Variants in MFHAS1 observed in about 807,000 individuals in gnomAD.
The protein encoded by MFHAS1 is malignant fibrous histiocytoma-amplified sequence 1.
In MFHAS1, 50 loss-of-function variants were observed where a neutral mutation model predicts 70.4. The observed-to-expected ratio is 0.71, with a 90% CI of 0.57 to 0.90. The LOEUF (loss-of-function observed/expected upper bound fraction) is 0.90. Among genes scored for constraint, MFHAS1 ranks in the 40% least tolerant of loss-of-function variants. MFHAS1 has a pLI of 0.00. For synonymous variants in MFHAS1, 952 were observed against 620.0 expected (o/e 1.54, Z -7.96); for missense variants, 1,795 against 1,347.6 (o/e 1.33, Z -5.20).
At chr8:8,838,954 T>C (rs1246374861) in intron 1 of MFHAS1, among the ~76,000 whole-genome samples, 2 of 152,220 alleles carry the variant, frequency 1.3e-5, no homozygotes, top group Admixed American at 1.3e-4. Flanking sequence ...TTTTATAATA[T>C]ATGCAGGGTC....
rs1350380898 is a variant in MFHAS1 at position 8,891,428 on chromosome 8, T to C, written c.1631A>G (p.Glu544Gly). Residue 544 changes from glutamate to glycine, a missense_variant, in exon 1 of 3, where the codon GAG becomes GGG. Physicochemically the swap from Glu to Gly is moderately conservative, Grantham distance 98. Transcript: ENST00000276282. This position sits in a 1 kb window ranked among gnomAD's most constrained non-coding sequence, Gnocchi z 5.4. ...IVGTHADLCG[E>G]RELEEKCLDI... ...CAGACATTTCTCCTCCAGCTCACGC[T>C]CTCCGCACAGGTCTGCGTGGGTGCC... 4.3e-6 allele frequency: 7 copies of C among 1,612,692 alleles called. No homozygotes were observed. Among genetic ancestry groups the C allele is most frequent in the Non-Finnish European group, 5.9e-6 (7 of 1,180,024 alleles).
chr8:8,839,702 C>G (rs1045477207), intron 1 of MFHAS1, among the ~76,000 whole-genome samples: 36 of 152,174 alleles, frequency 2.4e-4, no homozygotes, highest in African/African-American at 7.5e-4. Context: ...CTAGGTCTGG[C>G]TGAAATAACG....
chr8:8,785,782 A>G lies in MFHAS1; in HGVS notation c.*240T>C, dbSNP rs1341122773. The G allele has an allele frequency of 2.3e-6, 1 of 430,236 alleles. No homozygotes were observed. The highest frequency in any genetic ancestry group is 4.1e-6 in the Non-Finnish European group (1 of 241,086). 26.7% of individuals were successfully genotyped at this position (430,236 alleles called of 1,614,324 possible). ...TTTCTTCAAGTAGCGCGCTCCTTGGAGGATCACAGTTCTGAGGTTCAGGTT... is the reference window on the plus strand; with the variant it reads ...TTTCTTCAAGTAGCGCGCTCCTTGGGGGATCACAGTTCTGAGGTTCAGGTT... On this transcript the variant is annotated 3_prime_UTR_variant, in exon 3 of 3. Coordinates refer to ENST00000276282, the MANE Select transcript of MFHAS1 (RefSeq NM_004225.3).
chr8:8,891,223 G>A lies in MFHAS1; in HGVS notation c.1836C>T (p.Tyr612=), dbSNP rs773026331. The A allele has an allele frequency of 1.9e-6, 3 of 1,612,584 alleles. No homozygotes were observed. Among genetic ancestry groups the A allele is most frequent in the South Asian group, 1.1e-5 (1 of 91,086 alleles). Residue 612 remains tyrosine, a synonymous_variant, in exon 1 of 3, where the codon TAC becomes TAT. Coordinates refer to ENST00000276282, the MANE Select transcript of MFHAS1 (RefSeq NM_004225.3). The surrounding 1 kb of genome is among the most constrained non-coding windows in gnomAD (Gnocchi z 5.4). ...GGATCTGCAGCCGGTGGTTGAGCAG[G>A]TATTGAAAATGGGCCTTGCGCCGTC... ...NLRRRKAHFQ[Y]LLNHRLQILS...
chr8:8,860,783 A>G (rs545677992), intron 1 of MFHAS1, among the ~76,000 whole-genome samples: 169 of 152,334 alleles, frequency 1.1e-3, no homozygotes, highest in Non-Finnish European at 1.9e-3. Context: ...CTCTTGAAAA[A>G]GGGTGAGAGA....
At chr8:8,788,434 T>C (rs575050062) in intron 2 of MFHAS1, among the ~76,000 whole-genome samples, 1 of 152,318 alleles carries the variant, frequency 6.6e-6, no homozygotes, top group Admixed American at 6.5e-5. Flanking sequence ...ATCCCACTGC[T>C]TTGGAAGGCT....
At chr8:8,887,119 T>A (rs932570471) in intron 1 of MFHAS1, among the ~76,000 whole-genome samples, 1 of 152,008 alleles carries the variant, frequency 6.6e-6, no homozygotes, top group Non-Finnish European at 1.5e-5. Flanking sequence ...AGAGCAAGAC[T>A]CCATCTCAAA....
At position 8,880,218 on chromosome 8, in the gene MFHAS1, T is replaced by C. The variant is rs529122061; in HGVS notation, c.2998+9843A>G. Among the ~76,000 whole-genome samples, 10 of 152,256 alleles carry C rather than the reference T, an allele frequency of 6.6e-5. No individual in the cohort carries two copies. In the East Asian group the frequency reaches 1.9e-3, roughly 29 times the overall value. Reference sequence around the variant, plus strand: ...AAACCCCTACTCTTAAGTTACACCTTGGAAAGAAAGTTGCTACAAAGCCTG... The same window carrying C: ...AAACCCCTACTCTTAAGTTACACCTCGGAAAGAAAGTTGCTACAAAGCCTG... On this transcript the variant is annotated intron_variant, in intron 1 of 2. Coordinates refer to ENST00000276282, the MANE Select transcript of MFHAS1 (RefSeq NM_004225.3).
At chr8:8,831,226 C>G (rs992350662) in intron 1 of MFHAS1, among the ~76,000 whole-genome samples, 1 of 151,990 alleles carries the variant, frequency 6.6e-6, no homozygotes, top group Non-Finnish European at 1.5e-5. Context: ...AACCTTAAAA[C>G]CTCCTTATAG....
Position 8,784,404 on chromosome 8 carries a change from T to C in MFHAS1, c.*1618A>G, listed in dbSNP as rs1304035598. On this transcript the variant is annotated 3_prime_UTR_variant, in exon 3 of 3. Coordinates refer to ENST00000276282, the MANE Select transcript of MFHAS1 (RefSeq NM_004225.3). ...GAAATCTCAAACTTGAGGTGTCCTA[T>C]TCAAGTATTAAAAAAATGCAAACAT... The C allele has an allele frequency of 2.0e-5, 3 of 152,140 alleles. No homozygotes were observed. Among genetic ancestry groups the C allele is most frequent in the Non-Finnish European group, 2.9e-5 (2 of 68,038 alleles). 9.4% of individuals were successfully genotyped at this position (152,140 alleles called of 1,614,324 possible).
intron 1 of MFHAS1, among the ~76,000 whole-genome samples, chr8:8,873,553 G>A (rs1339871684): frequency 6.7e-6 from 1 of 149,568 alleles, no homozygotes; most frequent in Non-Finnish European, 1.5e-5. Flanking sequence ...CACATGTACA[G>A]AAAGGCAAAG....
intron 1 of MFHAS1, among the ~76,000 whole-genome samples, chr8:8,841,467 C>CAAA (rs11435426): frequency 7.0e-6 from 1 of 143,798 alleles, no homozygotes. Context: ...GACTTCGTCT[C>CAAA]AAAAAAAAAA....
intron 1 of MFHAS1, among the ~76,000 whole-genome samples, chr8:8,844,832 G>C (rs1807968668): frequency 6.6e-6 from 1 of 152,232 alleles, no homozygotes; most frequent in Non-Finnish European, 1.5e-5. Flanking sequence ...GTCTGGCACA[G>C]AGGCCATAAC....
intron 1 of MFHAS1, among the ~76,000 whole-genome samples, chr8:8,839,518 G>T (rs1807724080): frequency 6.6e-6 from 1 of 152,264 alleles, no homozygotes; most frequent in South Asian, 2.1e-4. Context: ...TACCAATTAT[G>T]AAATTAGTGA....
chr8:8,837,624 C>T (rs1242455337), intron 1 of MFHAS1, among the ~76,000 whole-genome samples: 1 of 151,014 alleles, frequency 6.6e-6, no homozygotes, highest in African/African-American at 2.4e-5. Context: ...GCCTGGGCGA[C>T]AGAGTGAGAC....
chr8:8,882,516 G>A (rs1463582691), intron 1 of MFHAS1, among the ~76,000 whole-genome samples: 1 of 152,230 alleles, frequency 6.6e-6, no homozygotes, highest in Non-Finnish European at 1.5e-5. Flanking sequence ...GGAGGCTGAG[G>A]CAGAAGAATC....
chr8:8,799,467 G>A (rs1393565078), intron 1 of MFHAS1, among the ~76,000 whole-genome samples: 1 of 152,174 alleles, frequency 6.6e-6, no homozygotes, highest in Non-Finnish European at 1.5e-5. Flanking sequence ...TCAAAGTACT[G>A]TATTTCTGGC....
intron 1 of MFHAS1, among the ~76,000 whole-genome samples, chr8:8,851,385 A>G (rs375446428): frequency 1.2e-4 from 19 of 152,150 alleles, no homozygotes; most frequent in African/African-American, 3.6e-4. Flanking sequence ...AACATAAAAC[A>G]AACAGTCAGC....
chr8:8,805,001 T>C (rs1806239298), intron 1 of MFHAS1, among the ~76,000 whole-genome samples: 2 of 152,196 alleles, frequency 1.3e-5, no homozygotes, highest in African/African-American at 4.8e-5. Context: ...GATGACTAAA[T>C]GATCTCAGGT....
Sources: gnomAD v4.1 joint callset for allele counts (sites outside exome capture counted in the v4.1 genomes callset) on GRCh38, gnomAD v4.1.1 for gene constraint, Gnocchi (gnomAD v3.1) non-coding constraint, MANE v1.5 for transcripts, NCBI Gene and HGNC (gene_info 2026-07-23, HGNC 2026-07-21) for gene names.